The following LRP1B variants were observed in gnomAD, a reference collection of about 807,000 sequenced individuals.
LRP1B encodes the protein low-density lipoprotein receptor-related protein 1B.
A neutral mutation model predicts 556.6 loss-of-function variants in LRP1B; 217 were observed. The ratio of observed to expected loss-of-function variants is 0.39; its 90% CI spans 0.35 to 0.44. LRP1B has a LOEUF of 0.44. LRP1B is among the 20% of genes least tolerant of loss of function. The probability of loss-of-function intolerance (pLI) is 1.00; values close to 1 mark genes in which losing one functional copy is unlikely to be tolerated. For synonymous variants in LRP1B, 2,047 were observed against 1,865.8 expected (o/e 1.10, Z -2.50); for missense variants, 5,053 against 5,620.8 (o/e 0.90, Z 3.23).
chr2:140,644,081 C>T (rs971373735), intron 41 of LRP1B, among the ~76,000 whole-genome samples: 2 of 152,130 alleles, frequency 1.3e-5, no homozygotes, highest in Non-Finnish European at 2.9e-5. Context: ...CTCTTTTTCC[C>T]TCTGCGTGCT....
chr2:141,547,816 T>A (rs541776080), intron 2 of LRP1B, among the ~76,000 whole-genome samples: 1 of 152,252 alleles, frequency 6.6e-6, no homozygotes, highest in East Asian at 1.9e-4. Context: ...TAATTTATTA[T>A]AGTAAGTGTG....
intron 1 of LRP1B, among the ~76,000 whole-genome samples, chr2:141,954,731 T>G (rs1701202065): frequency 6.6e-6 from 1 of 152,116 alleles, no homozygotes; most frequent in Admixed American, 6.6e-5. Context: ...ATCATTGCTC[T>G]TCCTAGAATA....
At chr2:141,940,922 T>C (rs1451225385) in intron 1 of LRP1B, among the ~76,000 whole-genome samples, 1 of 152,208 alleles carries the variant, frequency 6.6e-6, no homozygotes, top group Non-Finnish European at 1.5e-5. Flanking sequence ...GTCACCTAGC[T>C]AGCCAGTGAC....
At chr2:141,343,980 C>T (rs879863646) in intron 3 of LRP1B, among the ~76,000 whole-genome samples, 1 of 152,120 alleles carries the variant, frequency 6.6e-6, no homozygotes, top group Non-Finnish European at 1.5e-5. Flanking sequence ...AGGAACCTCC[C>T]CATGCCACAG....
intron 42 of LRP1B, among the ~76,000 whole-genome samples, chr2:140,599,278 C>A (rs994502711): frequency 3.9e-5 from 6 of 152,006 alleles, no homozygotes; most frequent in African/African-American, 1.4e-4. Context: ...ATCTTCTTCC[C>A]CTTCCAATTT....
intron 1 of LRP1B, among the ~76,000 whole-genome samples, chr2:141,835,332 C>G (rs1368119946): frequency 6.6e-6 from 1 of 151,896 alleles, no homozygotes; most frequent in Non-Finnish European, 1.5e-5. Flanking sequence ...ACTGGTAAAT[C>G]ACATCATCTA....
chr2:140,425,306 T>C (rs1685607517), intron 66 of LRP1B, among the ~76,000 whole-genome samples: 1 of 152,230 alleles, frequency 6.6e-6, no homozygotes, highest in African/African-American at 2.4e-5. Flanking sequence ...CTCTGCCTAA[T>C]TACAATCTAT....
At chr2:140,302,278 C>A (rs567635787) in intron 83 of LRP1B, among the ~76,000 whole-genome samples, 1 of 152,274 alleles carries the variant, frequency 6.6e-6, no homozygotes, top group South Asian at 2.1e-4. Context: ...GCTCCTTCTT[C>A]TTCCTAAACT....
At chr2:141,814,249 G>GA (rs1696457885) in intron 1 of LRP1B, among the ~76,000 whole-genome samples, 1 of 152,126 alleles carries the variant, frequency 6.6e-6, no homozygotes, top group African/African-American at 2.4e-5. Context: ...CTCACAGAGT[G>GA]GGTGTTTCCA....
chr2:141,732,411 C>A (rs927180719), intron 2 of LRP1B, among the ~76,000 whole-genome samples: 11 of 152,016 alleles, frequency 7.2e-5, no homozygotes, highest in Admixed American at 2.0e-4. Context: ...AACACAGTAA[C>A]AAGTCCATTA....
intron 2 of LRP1B, among the ~76,000 whole-genome samples, chr2:141,501,082 AAATAT>A: frequency 6.6e-6 from 1 of 152,248 alleles, no homozygotes; most frequent in South Asian, 2.1e-4. Flanking sequence ...AAAATCTTCT[AAATAT>A]AATAGGACTT....
At chr2:140,795,369 C>A (rs1342087173) in intron 32 of LRP1B, among the ~76,000 whole-genome samples, 1 of 152,120 alleles carries the variant, frequency 6.6e-6, no homozygotes, top group Non-Finnish European at 1.5e-5. Context: ...ATAACACCCA[C>A]AATTAAAAAC....
At chr2:142,051,838 A>G (rs919982300) in intron 1 of LRP1B, among the ~76,000 whole-genome samples, 1 of 152,114 alleles carries the variant, frequency 6.6e-6, no homozygotes, top group African/African-American at 2.4e-5. Flanking sequence ...AGGACTTTAA[A>G]ATTATGAAAA....
intron 32 of LRP1B, among the ~76,000 whole-genome samples, chr2:140,781,272 A>C (rs1417282213): frequency 6.6e-6 from 1 of 152,204 alleles, no homozygotes; most frequent in African/African-American, 2.4e-5. Flanking sequence ...ACTGTCCTGG[A>C]AAAATTATTC....
At chr2:140,784,931 T>G (rs907375724) in intron 32 of LRP1B, among the ~76,000 whole-genome samples, 8 of 152,098 alleles carry the variant, frequency 5.3e-5, no homozygotes, top group Non-Finnish European at 1.5e-5. Context: ...AAAAATAATT[T>G]GACATTATTT....
chr2:141,345,552 T>C (rs185807674), intron 3 of LRP1B, among the ~76,000 whole-genome samples: 6 of 152,096 alleles, frequency 3.9e-5, no homozygotes, highest in African/African-American at 1.4e-4. Context: ...TAGAGCAGCA[T>C]GAACATAGCT....
intron 2 of LRP1B, among the ~76,000 whole-genome samples, chr2:141,616,715 T>G (rs1013716170): frequency 6.6e-6 from 1 of 152,242 alleles, no homozygotes; most frequent in Admixed American, 6.5e-5. Flanking sequence ...TAATGCTTAC[T>G]GCACACAAAA....
chr2:140,712,752 C>T (rs1189360376), intron 37 of LRP1B, among the ~76,000 whole-genome samples: 1 of 152,042 alleles, frequency 6.6e-6, no homozygotes, highest in East Asian at 1.9e-4. Context: ...TGTCCTTACT[C>T]ATCTTCTGAA....
intron 77 of LRP1B, among the ~76,000 whole-genome samples, chr2:140,337,487 C>A (rs796224543): frequency 1.3e-4 from 20 of 151,810 alleles, no homozygotes; most frequent in African/African-American, 4.3e-4. Context: ...TTAAGCTAAC[C>A]GTATTTTTAT....
Sources: allele counts gnomAD v4.1 joint callset (sites outside exome capture counted in the v4.1 genomes callset), GRCh38; gene constraint gnomAD v4.1.1; transcripts MANE v1.5; gene names NCBI Gene and HGNC (gene_info 2026-07-23, HGNC 2026-07-21).